Variants in GRM8 observed in about 807,000 individuals in gnomAD.
GRM8 encodes glutamate metabotropic receptor 8.
A neutral mutation model predicts 87.2 loss-of-function variants in GRM8; 47 were observed. That is an observed-to-expected ratio of 0.54 (90% CI 0.43 to 0.69). The LOEUF is 0.69. Among genes scored for constraint, GRM8 ranks in the 30% least tolerant of loss-of-function variants. The pLI is 0.00. For missense variants in GRM8, 1,019 were observed against 1,139.2 expected (o/e 0.89, Z 1.52); for synonymous variants, 396 against 404.5 (o/e 0.98, Z 0.25).
At chr7:126,891,228 C>A (rs1004386519) in intron 6 of GRM8, among the ~76,000 whole-genome samples, 15 of 152,032 alleles carry the variant, frequency 9.9e-5, no homozygotes, top group Non-Finnish European at 2.1e-4. Context: ...CCTAAAATGT[C>A]TTTTTATTAA....
At chr7:127,014,862 G>A (rs1004265451) in intron 3 of GRM8, among the ~76,000 whole-genome samples, 1 of 150,830 alleles carries the variant, frequency 6.6e-6, no homozygotes, top group East Asian at 2.0e-4. Flanking sequence ...GTCAGTTGAC[G>A]AGTAGCAAGA....
chr7:126,808,549 T>C (rs1411639303), intron 6 of GRM8, among the ~76,000 whole-genome samples: 4 of 152,216 alleles, frequency 2.6e-5, no homozygotes, highest in African/African-American at 9.6e-5. Flanking sequence ...CATTACACCC[T>C]GTTACCTTTG....
intron 2 of GRM8, among the ~76,000 whole-genome samples, chr7:127,235,092 G>C (rs1797907108): frequency 6.6e-6 from 1 of 152,120 alleles, no homozygotes; most frequent in Non-Finnish European, 1.5e-5. Flanking sequence ...ATAACATCCA[G>C]TCACAAACCA....
At chr7:126,771,086 T>G (rs1191909493) in intron 6 of GRM8, among the ~76,000 whole-genome samples, 3 of 152,096 alleles carry the variant, frequency 2.0e-5, no homozygotes, top group African/African-American at 7.2e-5. Flanking sequence ...TGGTAACACT[T>G]AGACAAAAGC....
intron 9 of GRM8, among the ~76,000 whole-genome samples, chr7:126,492,193 G>C (rs565485197): frequency 6.6e-6 from 1 of 152,068 alleles, no homozygotes; most frequent in East Asian, 1.9e-4. Flanking sequence ...TGGGACTATA[G>C]GCATGCACCA....
At chr7:127,085,282 T>C (rs1350888158) in intron 3 of GRM8, among the ~76,000 whole-genome samples, 2 of 152,242 alleles carry the variant, frequency 1.3e-5, no homozygotes, top group African/African-American at 2.4e-5. Context: ...TACGTGTGCA[T>C]GTGTCTTCAT....
At chr7:127,132,361 G>T in intron 2 of GRM8, among the ~76,000 whole-genome samples, 1 of 152,088 alleles carries the variant, frequency 6.6e-6, no homozygotes, top group East Asian at 1.9e-4. Context: ...ATTGCATTTT[G>T]TTCCTTTTAA....
intron 2 of GRM8, among the ~76,000 whole-genome samples, chr7:127,227,768 C>T (rs1192346817): frequency 1.3e-5 from 2 of 152,206 alleles, no homozygotes; most frequent in African/African-American, 4.8e-5. Context: ...CAATAGGAAG[C>T]TCCCATCAAT....
intron 7 of GRM8, among the ~76,000 whole-genome samples, chr7:126,693,199 T>G (rs1809011354): frequency 6.6e-6 from 1 of 152,206 alleles, no homozygotes; most frequent in Non-Finnish European, 1.5e-5. Context: ...TCTACTAATT[T>G]GCTTGAGGTT....
At chr7:126,774,522 T>G (rs756975827) in intron 6 of GRM8, among the ~76,000 whole-genome samples, 1 of 152,186 alleles carries the variant, frequency 6.6e-6, no homozygotes, top group Non-Finnish European at 1.5e-5. Flanking sequence ...CAAAGTGTTT[T>G]CATGGTGAGA....
At chr7:126,505,331 C>G (rs1417266667) in intron 9 of GRM8, among the ~76,000 whole-genome samples, 1 of 152,032 alleles carries the variant, frequency 6.6e-6, no homozygotes, top group Non-Finnish European at 1.5e-5. Context: ...CTCGAATAGA[C>G]AGACTTTAGC....
At chr7:126,605,038 C>G (rs1798210824) in intron 8 of GRM8, among the ~76,000 whole-genome samples, 1 of 152,064 alleles carries the variant, frequency 6.6e-6, no homozygotes, top group Admixed American at 6.5e-5. Context: ...TTCATTCCTA[C>G]AGTAATCAAG....
intron 2 of GRM8, among the ~76,000 whole-genome samples, chr7:127,161,523 T>C (rs1354282566): frequency 6.6e-6 from 1 of 152,182 alleles, no homozygotes; most frequent in Non-Finnish European, 1.5e-5. Context: ...GGGGCTGATG[T>C]GAGAATTGCA....
At chr7:127,127,008 T>A (rs1159399362) in intron 2 of GRM8, among the ~76,000 whole-genome samples, 1 of 151,946 alleles carries the variant, frequency 6.6e-6, no homozygotes, top group African/African-American at 2.4e-5. Flanking sequence ...AAATTAAAAT[T>A]AAAATCAATG....
chr7:126,638,660 A>C lies in GRM8; in HGVS notation c.1358-29162T>G, dbSNP rs139144816. 1.9e-3 allele frequency among the ~76,000 whole-genome samples: 288 copies of C among 152,292 alleles called. 2 individuals carry two copies. Among genetic ancestry groups the C allele is most frequent in the Middle Eastern group, 6.8e-3 (2 of 294 alleles). On this transcript the variant is annotated intron_variant, in intron 7 of 10. Coordinates refer to ENST00000339582, the MANE Select transcript of GRM8 (RefSeq NM_000845.3). ...GCCAGCAGGATAAAAAGCAATTGTC[A>C]AGTATAAATCACTAGGATGTACCTA...
rs529724142 is a variant in GRM8, at chr7:126,527,030, G to C, written c.2430+5922C>G. ...AATGTGGCACCGTTAAAAAGGATCT[G>C]CTTCAAATGACTGTGAACTGACAAG... On this transcript the variant is annotated intron_variant, in intron 9 of 10. Transcript: ENST00000339582. Among the ~76,000 whole-genome samples the C allele has an allele frequency of 2.1e-3, 322 of 152,296 alleles. 2 individuals carry two copies. The highest frequency in any genetic ancestry group is 4.0e-3 in the Non-Finnish European group (272 of 68,030).
intron 3 of GRM8, among the ~76,000 whole-genome samples, chr7:127,064,403 G>GAAATCT (rs1820908937): frequency 1.3e-5 from 2 of 151,726 alleles, no homozygotes. Context: ...ATTCTTCGTT[G>GAAATCT]GTTTGAAATC....
chr7:126,728,442 A>C (rs1481914107), intron 7 of GRM8, among the ~76,000 whole-genome samples: 1 of 152,070 alleles, frequency 6.6e-6, no homozygotes, highest in Non-Finnish European at 1.5e-5. Context: ...GCAGAAAAGG[A>C]AAGCCTCCTA....
At chr7:126,643,351 T>C (rs1168159928) in intron 7 of GRM8, among the ~76,000 whole-genome samples, 3 of 97,478 alleles carry the variant, frequency 3.1e-5, no homozygotes, top group African/African-American at 4.2e-5. Context: ...TATATATATA[T>C]ATATAGTTTG....
Sources: gnomAD v4.1 joint callset for allele counts (sites outside exome capture counted in the v4.1 genomes callset) on GRCh38, gnomAD v4.1.1 for gene constraint, MANE v1.5 for transcripts, NCBI Gene and HGNC (gene_info 2026-07-23, HGNC 2026-07-21) for gene names.